TMCC1: variants seen among roughly 807,000 people sequenced by gnomAD.
TMCC1 encodes transmembrane and coiled-coil domains protein 1.
Under a neutral mutation model 52.4 loss-of-function variants are expected in TMCC1, and 15 were observed. The observed-to-expected ratio is 0.29, with a 90% CI of 0.19 to 0.44. The LOEUF (loss-of-function observed/expected upper bound fraction) is 0.44, where lower values mean the gene tolerates loss of function less well. Ranked by LOEUF, TMCC1 falls within the 20% of genes least tolerant of loss-of-function variation. The pLI, the probability that TMCC1 is intolerant of heterozygous loss-of-function variation, is 1.00. For synonymous variants in TMCC1, 279 were observed against 301.9 expected, an observed-to-expected ratio of 0.92 and a Z score of 0.79; for missense variants, 503 against 806.0, an observed-to-expected ratio of 0.62 and a Z score of 4.55.
At chr3:129,697,681 T>TA (rs2047513124) in intron 4 of TMCC1, among the ~76,000 whole-genome samples, 1 of 152,184 alleles carries the variant, frequency 6.6e-6, no homozygotes, top group Admixed American at 6.5e-5. Context: ...CTTTGCCACT[T>TA]AGAAATTTCT....
intron 4 of TMCC1, among the ~76,000 whole-genome samples, chr3:129,794,878 C>G (rs2056715727): frequency 6.6e-6 from 1 of 152,128 alleles, no homozygotes; most frequent in African/African-American, 2.4e-5. Flanking sequence ...ACGCACCCTT[C>G]TCTACCTCCA....
At chr3:129,863,981 T>C (rs1000445273) in intron 2 of TMCC1, among the ~76,000 whole-genome samples, 5 of 152,216 alleles carry the variant, frequency 3.3e-5, no homozygotes, top group Non-Finnish European at 5.9e-5. Flanking sequence ...AAAATTATTT[T>C]ATCTAGAACT....
At chr3:129,737,891 A>G (rs1208349815) in intron 4 of TMCC1, among the ~76,000 whole-genome samples, 1 of 152,206 alleles carries the variant, frequency 6.6e-6, no homozygotes, top group Non-Finnish European at 1.5e-5. Context: ...CTAAGTGCAC[A>G]GGCTAGAAAC....
chr3:129,891,222 T>C (rs1299989329), intron 1 of TMCC1, among the ~76,000 whole-genome samples: 2 of 152,200 alleles, frequency 1.3e-5, no homozygotes, highest in East Asian at 3.9e-4. Context: ...CACATCAGCT[T>C]GTTTTATTTT....
chr3:129,764,573 T>C (rs1274031241), intron 4 of TMCC1, among the ~76,000 whole-genome samples: 4 of 152,008 alleles, frequency 2.6e-5, no homozygotes, highest in Non-Finnish European at 4.4e-5. Context: ...GTAATCAATA[T>C]GGTGAGTGTG....
In TMCC1 at chr3:129,755,172, C is replaced by A. The variant is rs572238621; in HGVS notation, c.576+72631G>T. The stretch of plus-strand genomic sequence containing the variant: ...GAAAAAAATGACAGAAAGATGTCAA[C>A]AATAGACACTGGGGACTAGTAGAAG... On this transcript the variant is annotated intron_variant, in intron 4 of 6. Transcript: ENST00000393238. 5.3e-4 allele frequency among the ~76,000 whole-genome samples: 81 copies of A among 151,966 alleles called. No homozygotes were observed. The South Asian group carries it at 0.015, about 29-fold the overall frequency.
rs543375759 is a variant in TMCC1, at chr3:129,668,970, A to C, written c.1511+1360T>G. Among the ~76,000 whole-genome samples the C allele has an allele frequency of 4.6e-5, 7 of 152,330 alleles. No individual in the cohort carries two copies. The South Asian group carries it at 1.2e-3, about 27-fold the overall frequency. The stretch of plus-strand genomic sequence containing the variant: ...CACTTAAATAAAAATAGTAATGTAC[A>C]GTATCTGCTTTTAGAACTTTATTTC... On this transcript the variant is annotated intron_variant, in intron 5 of 6. Transcript: ENST00000393238.
intron 4 of TMCC1, among the ~76,000 whole-genome samples, chr3:129,735,770 T>C (rs752768606): frequency 3.3e-5 from 5 of 152,130 alleles, no homozygotes; most frequent in Non-Finnish European, 5.9e-5. Flanking sequence ...AAAGGTCTCA[T>C]GACTCAAGAC....
rs1043946070 is a variant in TMCC1 at position 129,893,540 on chromosome 3, T to A, written c.-481A>T. 1 of 151,982 alleles carries A rather than the reference T, an allele frequency of 6.6e-6. No individual in the cohort carries two copies. The highest frequency in any genetic ancestry group is 2.4e-5 in the African/African-American group (1 of 41,178). The allele number at this position is 151,982 out of a possible 1,614,324, so 9.4% of individuals were successfully genotyped here. A position where few individuals can be genotyped will look rare whatever the true frequency, so the allele number is the denominator to read the frequency against. On this transcript the variant is annotated 5_prime_UTR_variant, in exon 1 of 7. Coordinates refer to ENST00000393238, the MANE Select transcript of TMCC1 (RefSeq NM_001017395.5). ...CCGGCGTCTCCGCCAGCGCCGTCGC[T>A]CGAGCTCAAGCGCCTGCTCCTTCCA... is the stretch of plus-strand genomic sequence containing the variant.
intron 4 of TMCC1, among the ~76,000 whole-genome samples, chr3:129,674,200 G>C (rs2088204291): frequency 6.6e-6 from 1 of 152,188 alleles, no homozygotes; most frequent in Admixed American, 6.5e-5. Context: ...TCACATTTTA[G>C]ATGTGATTTT....
intron 4 of TMCC1, among the ~76,000 whole-genome samples, chr3:129,770,623 AAATGAAATG>A (rs2054492633): frequency 1.3e-5 from 2 of 151,834 alleles, no homozygotes; most frequent in East Asian, 2.0e-4. Flanking sequence ...AAATGAAATG[AAATGAAATG>A]AAATAAAATA....
intron 4 of TMCC1, among the ~76,000 whole-genome samples, chr3:129,798,274 C>T (rs1270824056): frequency 6.6e-6 from 1 of 152,116 alleles, no homozygotes; most frequent in Non-Finnish European, 1.5e-5. Context: ...GGATCACAGG[C>T]ATGAGCCACC....
Position 129,827,787 on chromosome 3 carries a change from A to T in TMCC1, c.576+16T>A. The T allele has an allele frequency of 1.2e-6, 2 of 1,603,780 alleles. No individual in the cohort carries two copies. The highest frequency in any genetic ancestry group is 1.7e-6 in the Non-Finnish European group (2 of 1,172,244). ...AAACAGTAAGTTAACAGAAAAACAA[A>T]ATCTTACAAACTTACCCGCTCCGCA... is the stretch of plus-strand genomic sequence containing the variant. On this transcript the variant is annotated intron_variant, in intron 4 of 6. Transcript: ENST00000393238.
intron 3 of TMCC1, among the ~76,000 whole-genome samples, chr3:129,829,118 T>G (rs539110308): frequency 6.6e-6 from 1 of 152,312 alleles, no homozygotes; most frequent in Admixed American, 6.5e-5. Flanking sequence ...ATCCTGTAAG[T>G]TGAATTCTCT....
intron 2 of TMCC1, among the ~76,000 whole-genome samples, chr3:129,849,984 T>C (rs2059843747): frequency 6.6e-6 from 1 of 152,178 alleles, no homozygotes; most frequent in Non-Finnish European, 1.5e-5. Flanking sequence ...TTGTGAATTC[T>C]ATTTCAATTA....
rs61105005 is a variant in TMCC1, at chr3:129,676,036, CAAAA to C, written c.577-4776_577-4773del. Among the ~76,000 whole-genome samples, 9 of 46,318 alleles carry C rather than the reference CAAAA, an allele frequency of 1.9e-4. No individual in the cohort carries two copies. The East Asian group carries it at 4.3e-3, about 22-fold the overall frequency. The allele number at this position is 46,318 out of a possible 152,430, so 30.4% of individuals were successfully genotyped here. On this transcript the variant is annotated intron_variant, in intron 4 of 6. Coordinates refer to ENST00000393238, the MANE Select transcript of TMCC1 (RefSeq NM_001017395.5). The stretch of plus-strand genomic sequence containing the variant: ...TGGGCGACAGAGCGAGACTCTGTCT[CAAAA>C]AAAAAAAAAAAAAAAAAAAAATTAC...
intron 4 of TMCC1, among the ~76,000 whole-genome samples, chr3:129,691,846 A>G (rs1055692356): frequency 6.6e-6 from 1 of 152,192 alleles, no homozygotes; most frequent in Non-Finnish European, 1.5e-5. Context: ...GTATTAATAA[A>G]TTAGATTATA....
chr3:129,796,754 T>G (rs1235268118), intron 4 of TMCC1, among the ~76,000 whole-genome samples: 2 of 152,142 alleles, frequency 1.3e-5, no homozygotes, highest in Non-Finnish European at 2.9e-5. Context: ...GGTGGCAGGA[T>G]TGCCTGAGTT....
chr3:129,864,497 T>C (rs530135662), intron 2 of TMCC1, among the ~76,000 whole-genome samples: 5 of 152,192 alleles, frequency 3.3e-5, no homozygotes, highest in Non-Finnish European at 5.9e-5. Flanking sequence ...TTTATAAGAA[T>C]TATAACTACT....
Sources: gnomAD v4.1 joint callset for allele counts (sites outside exome capture counted in the v4.1 genomes callset) on GRCh38, gnomAD v4.1.1 for gene constraint, MANE v1.5 for transcripts, NCBI Gene and HGNC (gene_info 2026-07-23, HGNC 2026-07-21) for gene names.